The following SLC2A9 variants were observed in gnomAD, a reference collection of about 807,000 sequenced individuals.
The protein encoded by SLC2A9 is solute carrier family 2 member 9.
A neutral mutation model predicts 50.6 loss-of-function variants in SLC2A9; 39 were observed. The observed-to-expected ratio is 0.77, with a 90% CI of 0.60 to 1.01. The LOEUF is 1.01. SLC2A9 is among the 50% of genes least tolerant of loss of function. The probability of loss-of-function intolerance (pLI) is 0.00; values close to 1 mark genes in which losing one functional copy is unlikely to be tolerated. For missense variants in SLC2A9, 686 were observed against 677.6 expected (o/e 1.01, Z -0.14); for synonymous variants, 324 against 276.9 (o/e 1.17, Z -1.69).
chr4:9,883,132 TACACACACACACAC>T (rs56300042), intron 10 of SLC2A9, among the ~76,000 whole-genome samples: 1 of 149,470 alleles, frequency 6.7e-6, no homozygotes, highest in Non-Finnish European at 1.5e-5. Flanking sequence ...GCAAGCTATC[TACACACACACACAC>T]ACACACACAC....
intron 3 of SLC2A9, among the ~76,000 whole-genome samples, chr4:9,792,302 A>AAGTAGCTG (rs1351345600): frequency 6.8e-6 from 1 of 147,944 alleles, no homozygotes; most frequent in Non-Finnish European, 1.5e-5. Flanking sequence ...ACAGCCTCCC[A>AAGTAGCTG]AGTAGCTGGG....
chr4:9,848,955 G>C (rs1218277808), intron 10 of SLC2A9, among the ~76,000 whole-genome samples: 1 of 152,202 alleles, frequency 6.6e-6, no homozygotes, highest in African/African-American at 2.4e-5. Flanking sequence ...GCCTGCCTCG[G>C]CCTCCCGAAG....
At chr4:9,915,995 G>A (rs1192476649) in intron 7 of SLC2A9, among the ~76,000 whole-genome samples, 12 of 152,152 alleles carry the variant, frequency 7.9e-5, no homozygotes, top group Admixed American at 7.9e-4. Context: ...GCCAAAAGAG[G>A]GGGAAAGTAC....
At chr4:9,829,034 G>C (rs914885652) in intron 11 of SLC2A9, among the ~76,000 whole-genome samples, 1 of 152,172 alleles carries the variant, frequency 6.6e-6, no homozygotes, top group Non-Finnish European at 1.5e-5. Context: ...GCTGCCTCTT[G>C]CTTGGCTTTC....
At chr4:9,882,218 C>G (rs1410215584) in intron 10 of SLC2A9, among the ~76,000 whole-genome samples, 2 of 152,114 alleles carry the variant, frequency 1.3e-5, no homozygotes, top group African/African-American at 4.8e-5. Flanking sequence ...CAAGAGTAAC[C>G]CCATCCTGGG....
chr4:9,917,325 C>CTTTTTTTTTTTT (rs55927201), intron 7 of SLC2A9, among the ~76,000 whole-genome samples: 20 of 81,798 alleles, frequency 2.4e-4, no homozygotes, highest in Non-Finnish European at 3.4e-4. Flanking sequence ...TTCTTTTTTC[C>CTTTTTTTTTTTT]TTTTTTTTTT....
intron 6 of SLC2A9, among the ~76,000 whole-genome samples, chr4:9,931,971 T>TATATATATATAC (rs1560329735): frequency 1.3e-5 from 1 of 78,072 alleles, no homozygotes; most frequent in Non-Finnish European, 2.4e-5. Context: ...TCTATATATA[T>TATATATATATAC]ATATATATAT....
chr4:9,860,958 A>G (rs1190316080), intron 10 of SLC2A9, among the ~76,000 whole-genome samples: 3 of 152,076 alleles, frequency 2.0e-5, no homozygotes, highest in African/African-American at 7.2e-5. Flanking sequence ...CTGCTCCATG[A>G]TCAACTCTGT....
At chr4:9,807,934 T>G (rs1286603826) in intron 3 of SLC2A9, among the ~76,000 whole-genome samples, 1 of 152,194 alleles carries the variant, frequency 6.6e-6, no homozygotes, top group East Asian at 1.9e-4. Context: ...CCCCCTGAAA[T>G]AGTTGGCCCC....
chr4:9,844,149 T>TTA (rs1728535416), intron 10 of SLC2A9, among the ~76,000 whole-genome samples: 4 of 66,842 alleles, frequency 6.0e-5, no homozygotes, highest in South Asian at 4.7e-4. Flanking sequence ...CCAGATTTAG[T>TTA]AAAAAAAAAA....
chr4:9,814,565 G>T (rs1320682288), intron 3 of SLC2A9, among the ~76,000 whole-genome samples: 1 of 152,164 alleles, frequency 6.6e-6, no homozygotes, highest in African/African-American at 2.4e-5. Flanking sequence ...TGAATTGATT[G>T]TGTTCTTCTC....
intron 10 of SLC2A9, among the ~76,000 whole-genome samples, chr4:9,843,818 C>A (rs1221567461): frequency 6.6e-6 from 1 of 152,132 alleles, no homozygotes; most frequent in Non-Finnish European, 1.5e-5. Context: ...ATCCTGTGAT[C>A]TGAGTAAGCT....
chr4:9,843,480 G>A (rs1178024327), intron 10 of SLC2A9, among the ~76,000 whole-genome samples: 1 of 152,054 alleles, frequency 6.6e-6, no homozygotes, highest in Non-Finnish European at 1.5e-5. Flanking sequence ...CCTGGGGTGA[G>A]GGTGTAACAC....
chr4:9,936,202 G>T (rs555598517), intron 6 of SLC2A9, among the ~76,000 whole-genome samples: 30 of 152,330 alleles, frequency 2.0e-4, no homozygotes, highest in African/African-American at 7.2e-4. Context: ...CAGGTCGGGG[G>T]TGCAGAATCC....
intron 10 of SLC2A9, chr4:9,879,757 G>A (rs1734895233): frequency 1.0e-6 from 1 of 985,314 alleles, no homozygotes; most frequent in Admixed American, 6.1e-5. Context: ...AGGGCTTCAT[G>A]TGATTTTTAA....
At chr4:9,786,379 T>C (rs1435708256) in intron 3 of SLC2A9, among the ~76,000 whole-genome samples, 2 of 152,224 alleles carry the variant, frequency 1.3e-5, no homozygotes, top group Non-Finnish European at 1.5e-5. Flanking sequence ...TGCTCTTTGA[T>C]GGTGAGAGAG....
chr4:9,880,766 C>T (rs1044141667), intron 10 of SLC2A9, among the ~76,000 whole-genome samples: 1 of 152,186 alleles, frequency 6.6e-6, no homozygotes. Flanking sequence ...ATGAAACATA[C>T]AGCTTTCTTG....
intron 1 of SLC2A9, among the ~76,000 whole-genome samples, chr4:10,020,363 A>G (rs1342075671): frequency 6.6e-6 from 1 of 152,098 alleles, no homozygotes; most frequent in African/African-American, 2.4e-5. Context: ...CAGCTTGCCC[A>G]CCTGTGAAAT....
downstream of SLC2A9, among the ~76,000 whole-genome samples, chr4:9,777,297 C>CT (rs71649549): frequency 4.8e-3 from 686 of 141,536 alleles, 2 homozygotes; most frequent in Middle Eastern, 0.019. Context: ...GTCTCTGTTT[C>CT]TTTTTTTTTT....
Sources: gnomAD v4.1 joint callset for allele counts (sites outside exome capture counted in the v4.1 genomes callset) on GRCh38, gnomAD v4.1.1 for gene constraint, MANE v1.5 for transcripts, NCBI Gene and HGNC (gene_info 2026-07-23, HGNC 2026-07-21) for gene names.